Variants in MFSD1 observed in about 807,000 individuals in gnomAD.
MFSD1 encodes major facilitator superfamily domain containing 1, also known as lysosomal dipeptide transporter MFSD1.
Under a neutral mutation model 67.1 loss-of-function variants are expected in MFSD1, and 59 were observed. The ratio of observed to expected loss-of-function variants is 0.88; its 90% confidence interval spans 0.71 to 1.09. The LOEUF (loss-of-function observed/expected upper bound fraction) is 1.09, where lower values mean the gene tolerates loss of function less well. Ranked by LOEUF, MFSD1 falls within the 50% of genes least tolerant of loss-of-function variation. The pLI, the probability that MFSD1 is intolerant of heterozygous loss-of-function variation, is 0.00. For synonymous variants in MFSD1, 213 were observed against 200.3 expected, an observed-to-expected ratio of 1.06 and a Z score of -0.54; for missense variants, 552 against 566.1, an observed-to-expected ratio of 0.97 and a Z score of 0.25.
At chr3:158,806,860 C>G (rs1174274947) in intron 3 of MFSD1, among the ~76,000 whole-genome samples, 180 bp from the exon 4 acceptor site, 1 of 152,094 alleles carries the variant, frequency 6.6e-6, no homozygotes, top group Non-Finnish European at 1.5e-5. Flanking sequence ...GAGTTGCTGG[C>G]TTCAGAGGGA....
Position 158,805,415 on chromosome 3 carries a change from G to C in MFSD1, c.270G>C (p.Trp90Cys). ...KFMLLYAWYS[W>C]PNVVLCFFGG... ...TGCTGCTGTATGCCTGGTATTCTTGGCCCAATGTAGTTTTGTGTTTCTTTG... is the reference window on the plus strand; with the variant it reads ...TGCTGCTGTATGCCTGGTATTCTTGCCCCAATGTAGTTTTGTGTTTCTTTG... Residue 90 changes from tryptophan (W) to cysteine (C), a missense_variant, in exon 3 of 16, where the codon TGG becomes TGC. Transcript: ENST00000415822. 4 of 1,614,094 alleles carry C rather than the reference G, an allele frequency of 2.5e-6. No homozygotes were observed. Among genetic ancestry groups the C allele is most frequent in the Non-Finnish European group, 3.4e-6 (4 of 1,179,964 alleles).
chr3:158,807,336 T>A, intron 4 of MFSD1, 60 bp from the exon 5 acceptor site: 2 of 1,333,928 alleles, frequency 1.5e-6, no homozygotes, highest in Admixed American at 3.7e-5. Context: ...TTCCTTTTGC[T>A]TCTCTTTAAT....
At chr3:158,818,995 G>A (rs1316626208) in intron 7 of MFSD1, among the ~76,000 whole-genome samples, 2 of 152,246 alleles carry the variant, frequency 1.3e-5, no homozygotes, top group East Asian at 1.9e-4. Context: ...CAACCGGGCT[G>A]TGGTAGGGCA....
chr3:158,811,455 A>T (rs918259235), intron 6 of MFSD1, among the ~76,000 whole-genome samples: 4 of 152,218 alleles, frequency 2.6e-5, no homozygotes, highest in African/African-American at 7.2e-5. Context: ...GGAAAATGCT[A>T]CTTAAAATGG....
At chr3:158,819,520 C>G (rs1012030531) in intron 7 of MFSD1, 129 bp from the exon 8 acceptor site, 5 of 474,018 alleles carry the variant, frequency 1.1e-5, no homozygotes, top group African/African-American at 8.0e-5. Context: ...GCAGATTTTT[C>G]TCGTGTCTTT....
chr3:158,817,588 T>G (rs1443617109), intron 7 of MFSD1, among the ~76,000 whole-genome samples: 2 of 152,020 alleles, frequency 1.3e-5, no homozygotes, highest in African/African-American at 4.8e-5. Flanking sequence ...CACTGCTCAA[T>G]AAAATAAAAG....
At chr3:158,816,990 A>G (rs1314689725) in intron 7 of MFSD1, among the ~76,000 whole-genome samples, 9 of 152,050 alleles carry the variant, frequency 5.9e-5, no homozygotes, top group East Asian at 1.9e-4. Context: ...TGAGGGCTCT[A>G]TTCTGTTCCA....
At chr3:158,806,323 G>A (rs1237780923) in intron 3 of MFSD1, among the ~76,000 whole-genome samples, 1 of 151,988 alleles carries the variant, frequency 6.6e-6, no homozygotes, top group Non-Finnish European at 1.5e-5. Flanking sequence ...TGCTTGGTCA[G>A]ATTGGCAGGA....
rs1009184114 is a variant in MFSD1 at position 158,829,068 on chromosome 3, A to G, written c.*86A>G. The G allele has an allele frequency of 8.5e-5, 111 of 1,298,886 alleles. No individual in the cohort carries two copies. Among genetic ancestry groups the G allele is most frequent in the Admixed American group, 1.6e-4 (7 of 45,050 alleles). The allele number at this position is 1,298,886 out of a possible 1,614,324, so 80.5% of individuals were successfully genotyped here. On this transcript the variant is annotated 3_prime_UTR_variant, in exon 16 of 16. Transcript: ENST00000415822. ...ATTTTTAAAAATTTAGAGTTTAGTC[A>G]TTAGAAAAAATAATGGACTGGAAAG...
At chr3:158,812,603 A>G (rs987874725) in intron 6 of MFSD1, among the ~76,000 whole-genome samples, 2 of 152,160 alleles carry the variant, frequency 1.3e-5, no homozygotes, top group African/African-American at 4.8e-5. Flanking sequence ...GCTAGGCCCA[A>G]TCATCTCTGT....
intron 10 of MFSD1, 64 bp downstream of exon 10, chr3:158,821,717 G>A: frequency 2.2e-6 from 3 of 1,345,096 alleles, no homozygotes; most frequent in Non-Finnish European, 3.1e-6. Context: ...ATAATCAAAT[G>A]TTAAAAGAAG....
intron 6 of MFSD1, among the ~76,000 whole-genome samples, chr3:158,812,000 C>G (rs1198013571): frequency 6.6e-6 from 1 of 152,092 alleles, no homozygotes; most frequent in African/African-American, 2.4e-5. Context: ...AATAACATGA[C>G]CTGGCTTAGC....
rs747897386 is a variant in MFSD1, at chr3:158,813,965, G to A, written c.550G>A (p.Gly184Arg). 1.9e-6 allele frequency: 3 copies of A among 1,602,334 alleles called. No homozygotes were observed. The highest frequency in any genetic ancestry group is 2.7e-5 in the African/African-American group (2 of 74,594). Residue 184 changes from glycine (G) to arginine (R), a missense_variant and splice_region_variant, in exon 7 of 16, where the codon GGA becomes AGA. By Grantham distance (125) the Gly-to-Arg change is moderately radical (BLOSUM62 -2). Transcript: ENST00000415822. ...TGTTTTTTTTTCCCTTCTCATTTAG[G>A]GAAGTACAGTAAACATGAACCTCAT... ...FGLQLSMARI[G>R]STVNMNLMGW... is the part of the protein sequence containing the mutation.
chr3:158,816,322 C>T (rs11929308), intron 7 of MFSD1, among the ~76,000 whole-genome samples: 15,812 of 152,210 alleles, frequency 0.1, 891 homozygotes, highest in Non-Finnish European at 0.12. Flanking sequence ...TCTGTTGTTT[C>T]CTGACTTTTT....
intron 11 of MFSD1, 61 bp from the exon 12 acceptor site, chr3:158,823,367 A>G (rs1730773495): frequency 1.7e-6 from 2 of 1,169,664 alleles, no homozygotes; most frequent in Non-Finnish European, 2.6e-6. Flanking sequence ...AATCTGCATT[A>G]AAGGAAAATC....
intron 4 of MFSD1, 126 bp from the exon 5 acceptor site, chr3:158,807,270 C>A: frequency 2.1e-6 from 2 of 963,132 alleles, no homozygotes; most frequent in Non-Finnish European, 3.2e-6. Flanking sequence ...ATTTTAACTT[C>A]ACAGATTTAT....
chr3:158,802,399 T>A (rs1346721349), intron 1 of MFSD1, 84 bp downstream of exon 1: 1 of 1,466,620 alleles, frequency 6.8e-7, no homozygotes, highest in Admixed American at 1.7e-5. Context: ...TGGTCACTGG[T>A]GCCACGGGGC....
chr3:158,825,511 A>G (rs1280688752), intron 13 of MFSD1, among the ~76,000 whole-genome samples: 1 of 152,244 alleles, frequency 6.6e-6, no homozygotes, highest in African/African-American at 2.4e-5. Flanking sequence ...GGAAAAAGCC[A>G]AGGGAAAACT....
intron 2 of MFSD1, 115 bp from the exon 3 acceptor site, chr3:158,805,247 C>A: frequency 1.2e-6 from 1 of 832,500 alleles, no homozygotes; most frequent in Non-Finnish European, 2.0e-6. Context: ...AAAAAACTTG[C>A]CCTTTACAGA....
Sources: gnomAD v4.1 joint callset for allele counts (sites outside exome capture counted in the v4.1 genomes callset) on GRCh38, gnomAD v4.1.1 for gene constraint, MANE v1.5 for transcripts, NCBI Gene and HGNC (gene_info 2026-07-23, HGNC 2026-07-21) for gene names.